The following CFAP74 variants were observed in gnomAD, a reference collection of about 807,000 sequenced individuals.
The protein encoded by CFAP74 is cilia and flagella associated protein 74.
A neutral mutation model predicts 188.9 loss-of-function variants in CFAP74; 124 were observed. The observed-to-expected ratio is 0.66, with a 90% CI of 0.57 to 0.76. The LOEUF (loss-of-function observed/expected upper bound fraction) is 0.76, where lower values mean the gene tolerates loss of function less well. Among genes scored for constraint, CFAP74 ranks in the 30% least tolerant of loss-of-function variants. The probability of loss-of-function intolerance (pLI) is 0.00; values close to 1 mark genes in which losing one functional copy is unlikely to be tolerated. For synonymous variants in CFAP74, 956 were observed against 916.7 expected, an observed-to-expected ratio of 1.04 and a Z score of -0.77; for missense variants, 2,198 against 2,165.2, an observed-to-expected ratio of 1.02 and a Z score of -0.30.
rs752442873 is a variant in CFAP74 at position 1,990,948 on chromosome 1, A to G, written c.9T>C (p.Asp3=). ...CGTCCTCAGGGAGCAGGCTGCCGTCATCCTCCATGCTGGGAGATAGAAATT... is the reference window on the plus strand; with the variant it reads ...CGTCCTCAGGGAGCAGGCTGCCGTCGTCCTCCATGCTGGGAGATAGAAATT... ME[D]DGSLLPEDEL... is the part of the protein sequence containing the mutation. The change falls in exon 2 of 39, where the codon GAT becomes GAC. Residue 3 remains aspartate, a synonymous_variant. Coordinates refer to ENST00000682832, the MANE Select transcript of CFAP74 (RefSeq NM_001304360.2). The G allele has an allele frequency of 1.2e-6, 2 of 1,612,490 alleles. No individual in the cohort carries two copies. Among genetic ancestry groups the G allele is most frequent in the Admixed American group, 3.4e-5 (2 of 59,546 alleles).
intron 18 of CFAP74, among the ~76,000 whole-genome samples, chr1:1,948,927 TC>T (rs1653986405): frequency 7.8e-5 from 1 of 12,772 alleles, no homozygotes; most frequent in African/African-American, 2.4e-4. Flanking sequence ...TTTCCTTCCT[TC>T]CTCTTTCCTC....
intron 33 of CFAP74, among the ~76,000 whole-genome samples, chr1:1,924,932 C>T (rs367985375): frequency 1.2e-4 from 19 of 152,368 alleles, no homozygotes; most frequent in South Asian, 8.3e-4. Context: ...CTGAGCCAGG[C>T]GGAGAAGCAG....
At chr1:1,943,780 C>A (rs1282891412) in intron 21 of CFAP74, among the ~76,000 whole-genome samples, 1 of 152,224 alleles carries the variant, frequency 6.6e-6, no homozygotes, top group Non-Finnish European at 1.5e-5. Flanking sequence ...GAGGCACATT[C>A]ATTCTCTCCA....
chr1:1,988,997 A>T (rs1657420112), intron 2 of CFAP74, 24 bp from the exon 3 acceptor site: 17 of 772,138 alleles, frequency 2.2e-5, no homozygotes, highest in Non-Finnish European at 2.7e-5. Flanking sequence ...CAAGAGTTTA[A>T]AAAAAAAAAA....
At chr1:1,946,113 C>A (rs1274780137) in intron 20 of CFAP74, among the ~76,000 whole-genome samples, 1 of 152,000 alleles carries the variant, frequency 6.6e-6, no homozygotes, top group Non-Finnish European at 1.5e-5. Flanking sequence ...GTGCTCACAG[C>A]ATGCCTGCCT....
Position 1,942,212 on chromosome 1 carries a change from G to T in CFAP74, c.2487-56C>A. The T allele has an allele frequency of 7.1e-7, 1 of 1,407,706 alleles. No homozygotes were observed. 87.2% of individuals were successfully genotyped at this position (1,407,706 alleles called of 1,614,324 possible). On this transcript the variant is annotated intron_variant, in intron 21 of 38. Transcript: ENST00000682832. This position sits in a 1 kb window ranked among gnomAD's most constrained non-coding sequence, Gnocchi z 4.3. ...GTGCCACAGTCGTGATTCTGTGTGC[G>T]CTCAATGCCTGGAGTTATTAAAACA...
At chr1:2,001,007 A>C (rs1302826510) in intron 1 of CFAP74, among the ~76,000 whole-genome samples, 1 of 152,108 alleles carries the variant, frequency 6.6e-6, no homozygotes, top group Non-Finnish European at 1.5e-5. Context: ...CAGGATCCAC[A>C]GTGGCCCAGG....
Position 1,968,852 on chromosome 1 carries a change from C to A in CFAP74, c.1047-19G>T. ...AAAGGCCCTGCGTGGAGTCGCTTCT[C>A]AGATGAGTGCAAGAGGTCCCCTGCC... On this transcript the variant is annotated intron_variant, in intron 10 of 38. Coordinates refer to ENST00000682832, the MANE Select transcript of CFAP74 (RefSeq NM_001304360.2). This position sits in a 1 kb window ranked among gnomAD's most constrained non-coding sequence, Gnocchi z 4.3. The A allele has an allele frequency of 6.2e-7, 1 of 1,612,156 alleles. No homozygotes were observed. The highest frequency in any genetic ancestry group is 1.1e-5 in the South Asian group (1 of 90,968).
intron 6 of CFAP74, among the ~76,000 whole-genome samples, chr1:1,980,010 C>T (rs1656728851): frequency 6.6e-6 from 1 of 151,278 alleles, no homozygotes; most frequent in South Asian, 2.1e-4. Context: ...CTGCTTCATT[C>T]ATGGGAGAGG....
chr1:1,977,218 G>A (rs996483849), intron 6 of CFAP74, among the ~76,000 whole-genome samples: 6 of 152,152 alleles, frequency 3.9e-5, no homozygotes, highest in Non-Finnish European at 7.4e-5. Context: ...GAACAATAGC[G>A]TTGAGTTCCA....
chr1:2,002,568 G>T (rs968940691), intron 1 of CFAP74, among the ~76,000 whole-genome samples: 1 of 151,066 alleles, frequency 6.6e-6, no homozygotes, highest in African/African-American at 2.4e-5. Flanking sequence ...TACTTGGGAG[G>T]CTGAGGCAGG....
chr1:1,951,376 T>C lies in CFAP74; in HGVS notation c.2176+4315A>G, dbSNP rs1408008647. On this transcript the variant is annotated intron_variant, in intron 18 of 38. Transcript: ENST00000682832. ...CCAGACTATATCAGGGGGCTTATGT[T>C]TATCCAATTGTTATGGCCTCACTTG... Among the ~76,000 whole-genome samples, 3 of 152,224 alleles carry C rather than the reference T, an allele frequency of 2.0e-5. No individual in the cohort carries two copies. The South Asian group carries it at 6.2e-4, about 32-fold the overall frequency.
Position 1,973,722 on chromosome 1 carries a change from G to A in CFAP74, c.674+303C>T, listed in dbSNP as rs905919124. Among the ~76,000 whole-genome samples, 3 of 152,090 alleles carry A rather than the reference G, an allele frequency of 2.0e-5. No homozygotes were observed. Among genetic ancestry groups the A allele is most frequent in the Admixed American group, 1.3e-4 (2 of 15,276 alleles). ...TGGCTGGGAAGAGGAAGGGGCTGCC[G>A]GAGGGAAAGGGGAGGGGCAGTCTTG... On this transcript the variant is annotated intron_variant, in intron 7 of 38. Coordinates refer to ENST00000682832, the MANE Select transcript of CFAP74 (RefSeq NM_001304360.2). The surrounding 1 kb of genome is among the most constrained non-coding windows in gnomAD (Gnocchi z 6.2).
At chr1:1,943,284 G>A (rs1353715064) in intron 21 of CFAP74, among the ~76,000 whole-genome samples, 3 of 152,182 alleles carry the variant, frequency 2.0e-5, no homozygotes, top group Non-Finnish European at 2.9e-5. Flanking sequence ...GGACGATGCC[G>A]GAGGCGAGCA....
intron 26 of CFAP74, among the ~76,000 whole-genome samples, chr1:1,929,545 A>G (rs2102033898): frequency 6.6e-6 from 1 of 151,346 alleles, no homozygotes; most frequent in African/African-American, 2.4e-5. Context: ...CACTGCATTC[A>G]TTGAAATCCC....
intron 25 of CFAP74, among the ~76,000 whole-genome samples, chr1:1,932,093 A>AAAAAAAAAAAC (rs1246446828): frequency 7.2e-6 from 1 of 138,770 alleles, no homozygotes; most frequent in African/African-American, 2.7e-5. Context: ...AAAACAAAAA[A>AAAAAAAAAAAC]CAAAAAACTT....
chr1:1,926,841 G>A (rs1277893817), intron 29 of CFAP74, 53 bp downstream of exon 29: 21 of 1,549,048 alleles, frequency 1.4e-5, no homozygotes, highest in Non-Finnish European at 1.7e-5. Flanking sequence ...AGTAGCAGAG[G>A]GACAGCGCGT....
chr1:1,993,218 A>G (rs1657699998), intron 1 of CFAP74, among the ~76,000 whole-genome samples: 2 of 146,592 alleles, frequency 1.4e-5, no homozygotes, highest in African/African-American at 5.0e-5. Context: ...AAAAAAAAAA[A>G]GAAACAATGT....
Position 1,926,479 on chromosome 1 carries a change from T to C in CFAP74, c.3806A>G (p.Asn1269Ser). ...HRSIKKISIQ[N>S]VSPEDLALDF... ...CACGGCCAGATCCTCGGGAGAGACGTTCTGGATGGAGATCTTCTTGATACT... is the reference window on the plus strand; with the variant it reads ...CACGGCCAGATCCTCGGGAGAGACGCTCTGGATGGAGATCTTCTTGATACT... The change falls in exon 31 of 39, where the codon AAC (asparagine) becomes AGC (serine). Residue 1269 changes from asparagine (N) to serine (S), a missense_variant. Transcript: ENST00000682832. 1 of 1,549,970 alleles carries C rather than the reference T, an allele frequency of 6.5e-7. No individual in the cohort carries two copies. Among genetic ancestry groups the C allele is most frequent in the Non-Finnish European group, 8.7e-7 (1 of 1,146,844 alleles).
Sources: gnomAD v4.1 joint callset for allele counts (sites outside exome capture counted in the v4.1 genomes callset) on GRCh38, gnomAD v4.1.1 for gene constraint, Gnocchi (gnomAD v3.1) non-coding constraint, MANE v1.5 for transcripts, NCBI Gene and HGNC (gene_info 2026-07-23, HGNC 2026-07-21) for gene names.